FLT1: variants seen among roughly 807,000 people sequenced by gnomAD.
FLT1 encodes fms related receptor tyrosine kinase 1.
Under a neutral mutation model 156.3 loss-of-function variants are expected in FLT1, and 49 were observed. That is an observed-to-expected ratio of 0.31 (90% CI 0.25 to 0.40). The LOEUF is 0.40. Among genes scored for constraint, FLT1 ranks in the 10% least tolerant of loss-of-function variants. The probability of loss-of-function intolerance (pLI) is 1.00; values close to 1 mark genes in which losing one functional copy is unlikely to be tolerated. For synonymous variants in FLT1, 594 were observed against 583.8 expected (o/e 1.02, Z -0.25); for missense variants, 1,322 against 1,637.2 (o/e 0.81, Z 3.32).
Position 28,430,460 on chromosome 13 carries a change from G to A in FLT1, c.989-293C>T, listed in dbSNP as rs531497290. Among the ~76,000 whole-genome samples, 113 of 152,226 alleles carry A rather than the reference G, an allele frequency of 7.4e-4. No homozygotes were observed. In the South Asian group the frequency reaches 0.021, roughly 28 times the overall value. Reference sequence around the variant, plus strand: ...TATCACAATAACAAAGAAGTGGGAAGATATTTCTAAAAATCTACCTGGCCA... The same window carrying A: ...TATCACAATAACAAAGAAGTGGGAAAATATTTCTAAAAATCTACCTGGCCA... On this transcript the variant is annotated intron_variant, in intron 7 of 29. Transcript: ENST00000282397.
chr13:28,418,486 G>T (rs1030386333), intron 10 of FLT1, among the ~76,000 whole-genome samples: 4 of 152,116 alleles, frequency 2.6e-5, no homozygotes, highest in Non-Finnish European at 5.9e-5. Flanking sequence ...CTTTCCTCTG[G>T]GAATCCACAG....
At chr13:28,490,807 G>A (rs548698698) in intron 1 of FLT1, among the ~76,000 whole-genome samples, 61 of 152,084 alleles carry the variant, frequency 4.0e-4, no homozygotes, top group Non-Finnish European at 2.9e-5. Context: ...TCCCCTACCT[G>A]CAATGACAAA....
Position 28,355,524 on chromosome 13 carries a change from G to A in FLT1, c.2248+2030C>T, listed in dbSNP as rs546191815. Among the ~76,000 whole-genome samples the A allele has an allele frequency of 7.2e-5, 11 of 152,318 alleles. No individual in the cohort carries two copies. The South Asian group carries it at 8.3e-4, about 11-fold the overall frequency. ...AGTACTGACTAATGATTCCAGAAGCGGGGATTGAGAGAGCAGAGAATGAGT... is the reference window on the plus strand; with the variant it reads ...AGTACTGACTAATGATTCCAGAAGCAGGGATTGAGAGAGCAGAGAATGAGT... On this transcript the variant is annotated intron_variant, in intron 15 of 29. Coordinates refer to ENST00000282397, the MANE Select transcript of FLT1 (RefSeq NM_002019.4).
intron 14 of FLT1, among the ~76,000 whole-genome samples, chr13:28,360,065 G>A (rs1264319041): frequency 1.3e-5 from 2 of 152,108 alleles, no homozygotes; most frequent in African/African-American, 2.4e-5. Context: ...GAGCGAGATC[G>A]TGCCACTGCA....
At chr13:28,399,182 G>A in intron 11 of FLT1, 1 of 1,196,780 alleles carries the variant, frequency 8.4e-7, no homozygotes, top group Non-Finnish European at 1.2e-6. Flanking sequence ...AGGAAGCTTA[G>A]ACCCTTCAAA....
intron 14 of FLT1, among the ~76,000 whole-genome samples, chr13:28,379,625 G>A (rs959226730): frequency 2.0e-5 from 3 of 152,206 alleles, no homozygotes; most frequent in African/African-American, 7.2e-5. Flanking sequence ...GCAGTGTGGT[G>A]TGCAAGGCCC....
chr13:28,451,398 G>A (rs1055223542), intron 3 of FLT1, among the ~76,000 whole-genome samples: 1 of 152,238 alleles, frequency 6.6e-6, no homozygotes, highest in African/African-American at 2.4e-5. Context: ...CCTCCAGCCC[G>A]GGTGACAGAA....
chr13:28,473,714 GA>G lies in FLT1; in HGVS notation c.65-6098del, dbSNP rs1566050174. Among the ~76,000 whole-genome samples, 313 of 72,120 alleles carry G rather than the reference GA, an allele frequency of 4.3e-3. 7 individuals are homozygous for G. Among genetic ancestry groups the G allele is most frequent in the African/African-American group, 0.019 (286 of 15,164 alleles). 47.3% of individuals were successfully genotyped at this position (72,120 alleles called of 152,430 possible). On this transcript the variant is annotated intron_variant, in intron 1 of 29. Transcript: ENST00000282397. ...GAGAGAAAGAAAAGAAAGAAAGAAA[GA>G]AAGAAAGAAAGAAAGAAGGAAGGAA... is the stretch of plus-strand genomic sequence containing the variant.
At chr13:28,414,543 G>A (rs1257450236) in intron 10 of FLT1, among the ~76,000 whole-genome samples, 1 of 152,220 alleles carries the variant, frequency 6.6e-6, no homozygotes, top group Non-Finnish European at 1.5e-5. Flanking sequence ...GATACTTAAT[G>A]TGTAACACAC....
At chr13:28,309,226 G>A (rs903150301) in intron 27 of FLT1, among the ~76,000 whole-genome samples, 2 of 152,214 alleles carry the variant, frequency 1.3e-5, no homozygotes, top group South Asian at 2.1e-4. Context: ...GCATCATCTC[G>A]TCTGAGTGCC....
intron 10 of FLT1, 80 bp from the exon 11 acceptor site, chr13:28,405,974 G>A (rs977016966): frequency 2.5e-6 from 2 of 787,042 alleles, no homozygotes; most frequent in East Asian, 2.4e-5. Flanking sequence ...AAAACTTGGT[G>A]TAAGTCCTCA....
chr13:28,306,837 G>A, intron 28 of FLT1, 65 bp from the exon 29 acceptor site: 1 of 1,031,722 alleles, frequency 9.7e-7, no homozygotes, highest in Non-Finnish European at 1.5e-6. Context: ...CTGAGCCTGA[G>A]GGATGATCCT....
chr13:28,321,444 A>G lies in FLT1; in HGVS notation c.3174+19T>C. ...GTGATAGGACACACATGAGTCAAAT[A>G]AACATCAAACTGACTTACATCTCCT... On this transcript the variant is annotated intron_variant, in intron 23 of 29. Coordinates refer to ENST00000282397, the MANE Select transcript of FLT1 (RefSeq NM_002019.4). The G allele has an allele frequency of 6.2e-7, 1 of 1,613,394 alleles. No homozygotes were observed. The highest frequency in any genetic ancestry group is 8.5e-7 in the Non-Finnish European group (1 of 1,179,766).
chr13:28,318,014 G>A lies in FLT1; in HGVS notation c.3287-417C>T, dbSNP rs118154123. On this transcript the variant is annotated intron_variant, in intron 24 of 29. Coordinates refer to ENST00000282397, the MANE Select transcript of FLT1 (RefSeq NM_002019.4). ...TCCCTCTGTCACCAGGCTGGAGTGT[G>A]GTGGCATGATCTTAGCTCACTGCAG... Among the ~76,000 whole-genome samples the A allele has an allele frequency of 6.6e-5, 10 of 152,066 alleles. No individual in the cohort carries two copies. The East Asian group carries it at 1.9e-3, about 29-fold the overall frequency.
intron 13 of FLT1, chr13:28,386,873 A>G: frequency 1.9e-6 from 2 of 1,049,318 alleles, no homozygotes; most frequent in Non-Finnish European, 2.3e-6. Flanking sequence ...ACTGAGTTAT[A>G]CTTTTAATAG....
chr13:28,414,480 AT>A (rs767764764), intron 10 of FLT1, among the ~76,000 whole-genome samples: 5 of 152,252 alleles, frequency 3.3e-5, no homozygotes, highest in Non-Finnish European at 7.3e-5. Context: ...AAGGGAAATA[AT>A]TTAAATAAAG....
chr13:28,336,919 T>C (rs533451415), intron 17 of FLT1, among the ~76,000 whole-genome samples: 9 of 152,036 alleles, frequency 5.9e-5, no homozygotes, highest in African/African-American at 9.6e-5. Flanking sequence ...GGCTCATTTT[T>C]GTATTTTTAG....
chr13:28,470,055 A>G (rs180760455), intron 1 of FLT1, among the ~76,000 whole-genome samples: 2 of 152,268 alleles, frequency 1.3e-5, no homozygotes, highest in Middle Eastern at 3.4e-3. Context: ...CTAAATTAAT[A>G]TATTAAAAGT....
chr13:28,392,231 G>A (rs1874777731), intron 12 of FLT1, among the ~76,000 whole-genome samples: 1 of 152,202 alleles, frequency 6.6e-6, no homozygotes, highest in Non-Finnish European at 1.5e-5. Context: ...CAGTGGCTGA[G>A]GAGAGAGGAT....
Sources: gnomAD v4.1 joint callset for allele counts (sites outside exome capture counted in the v4.1 genomes callset) on GRCh38, gnomAD v4.1.1 for gene constraint, MANE v1.5 for transcripts, NCBI Gene and HGNC (gene_info 2026-07-23, HGNC 2026-07-21) for gene names.